TMEM86A: variants seen among roughly 807,000 people sequenced by gnomAD.
TMEM86A encodes lysoplasmalogenase TMEM86A.
Under a neutral mutation model 19.8 loss-of-function variants are expected in TMEM86A, and 13 were observed. The ratio of observed to expected loss-of-function variants is 0.66; its 90% confidence interval spans 0.43 to 1.04. The LOEUF (loss-of-function observed/expected upper bound fraction) is 1.04. Ranked by LOEUF, TMEM86A falls within the 50% of genes least tolerant of loss-of-function variation. The pLI is 0.00. For synonymous variants in TMEM86A, 128 were observed against 129.9 expected (o/e 0.99, Z 0.10); for missense variants, 248 against 306.8 (o/e 0.81, Z 1.43).
Position 18,701,218 on chromosome 11 carries a change from C to T in TMEM86A, c.286+21C>T, listed in dbSNP as rs765803609. On this transcript the variant is annotated intron_variant, in intron 2 of 2. Coordinates refer to ENST00000280734, the MANE Select transcript of TMEM86A (RefSeq NM_153347.3). The surrounding 1 kb of genome is among the most constrained non-coding windows in gnomAD (Gnocchi z 5.3). ...GCATGGTCAGTGGCCATAGTAGTTG[C>T]CTGGGAGGAGTCCTGGGGCTGGGGG... 4.4e-6 allele frequency: 7 copies of T among 1,608,458 alleles called. No homozygotes were observed. The African/African-American group carries it at 5.4e-5, about 12-fold the overall frequency.
At chr11:18,700,648 G>A (rs1848141073) in intron 1 of TMEM86A, 2 of 519,334 alleles carry the variant, frequency 3.9e-6, no homozygotes, top group Admixed American at 6.4e-5. Flanking sequence ...GGCTAAAGGG[G>A]CCCTGAGGAG....
At position 18,701,442 on chromosome 11, in the gene TMEM86A, G is replaced by A. The variant is rs1234797922; in HGVS notation, c.287-131G>A. ...TTTAACTTTAGATCTTCCTACCCCT[G>A]TTATCCCAAAGCAAAGCTGCTGGGT... On this transcript the variant is annotated intron_variant, in intron 2 of 2. Transcript: ENST00000280734. The surrounding 1 kb of genome is among the most constrained non-coding windows in gnomAD (Gnocchi z 5.3). The A allele has an allele frequency of 1.8e-6, 2 of 1,126,986 alleles. No individual in the cohort carries two copies. The highest frequency in any genetic ancestry group is 2.5e-6 in the Non-Finnish European group (2 of 798,164). 69.8% of individuals were successfully genotyped at this position (1,126,986 alleles called of 1,614,324 possible).
rs971659019 is a variant in TMEM86A, at chr11:18,701,137, GTCT to G, written c.230_232del (p.Phe77del). On this transcript the variant is annotated inframe_deletion, in exon 2 of 3. Transcript: ENST00000280734. The surrounding 1 kb of genome is among the most constrained non-coding windows in gnomAD (Gnocchi z 5.3). ...CGCCACCCGCATCTTTGTGGGGCTTGTCTTCTCTGCTGTAGGTGACGCCTTCCT... is the reference window on the plus strand; with the variant it reads ...CGCCACCCGCATCTTTGTGGGGCTTGTCTCTGCTGTAGGTGACGCCTTCCT... 1.2e-6 allele frequency: 2 copies of G among 1,613,884 alleles called. No homozygotes were observed. The highest frequency in any genetic ancestry group is 2.7e-5 in the African/African-American group (2 of 74,932).
At chr11:18,698,996 G>A (rs1848126535) in intron 1 of TMEM86A, 89 bp downstream of exon 1, 3 of 405,240 alleles carry the variant, frequency 7.4e-6, no homozygotes, top group South Asian at 1.5e-4. Context: ...GCTGCCGAAG[G>A]GGCCGAGGCG....
chr11:18,699,937 T>G lies in TMEM86A; in HGVS notation c.22-996T>G, dbSNP rs1564862941. 6.6e-6 allele frequency: 1 copy of G among 152,294 alleles called. No homozygotes were observed. The highest frequency in any genetic ancestry group is 2.4e-5 in the African/African-American group (1 of 41,432). 9.4% of individuals were successfully genotyped at this position (152,294 alleles called of 1,614,324 possible). A position where few individuals can be genotyped will look rare whatever the true frequency, so the allele number is the denominator to read the frequency against. The stretch of plus-strand genomic sequence containing the variant: ...TACAGGGAACTCCAGCTGCTCCATA[T>G]CACCCTCAATGGATCTGTTAGCAGC... On this transcript the variant is annotated intron_variant, in intron 1 of 2. Coordinates refer to ENST00000280734, the MANE Select transcript of TMEM86A (RefSeq NM_153347.3). This position sits in a 1 kb window ranked among gnomAD's most constrained non-coding sequence, Gnocchi z 4.0.
Position 18,701,995 on chromosome 11 carries a change from A to G in TMEM86A, c.709A>G (p.Thr237Ala), listed in dbSNP as rs956960574. The G allele has an allele frequency of 3.7e-6, 6 of 1,606,066 alleles. 1 individual carries two copies. In the Middle Eastern group the frequency reaches 5.0e-4, roughly 133 times the overall value. The change falls in exon 3 of 3, where the codon ACC becomes GCC. Residue 237 changes from threonine to alanine, a missense_variant. Coordinates refer to ENST00000280734, the MANE Select transcript of TMEM86A (RefSeq NM_153347.3). This position sits in a 1 kb window ranked among gnomAD's most constrained non-coding sequence, Gnocchi z 5.3. ...SREPVEHYRL[T>A]KAN ...GGAGCCTGTGGAACACTACAGACTGACCAAGGCCAACTGAGGTGCCAGGGT... is the reference window on the plus strand; with the variant it reads ...GGAGCCTGTGGAACACTACAGACTGGCCAAGGCCAACTGAGGTGCCAGGGT...
In TMEM86A at chr11:18,702,318, A is replaced by G; in HGVS notation, c.*309A>G. On this transcript the variant is annotated 3_prime_UTR_variant, in exon 3 of 3. Transcript: ENST00000280734. ...AGGTGATGGTGCTCAGCTTCTTGAC[A>G]CCCCCCCACCCACTTCCCCTACCAG... 2.6e-6 allele frequency: 1 copy of G among 380,776 alleles called. No individual in the cohort carries two copies. 23.6% of individuals were successfully genotyped at this position (380,776 alleles called of 1,614,324 possible). A position where few individuals can be genotyped will look rare whatever the true frequency, so the allele number is the denominator to read the frequency against.
In TMEM86A at chr11:18,704,610, TC is replaced by T. The variant is rs1848186967; in HGVS notation, c.*2603del. The stretch of plus-strand genomic sequence containing the variant: ...CAGGGAAATTCCAAACTGCTGGACT[TC>T]CTATGCAGGAAACCAGGAGCTGGAC... On this transcript the variant is annotated 3_prime_UTR_variant, in exon 3 of 3. Coordinates refer to ENST00000280734, the MANE Select transcript of TMEM86A (RefSeq NM_153347.3). 3 of 978,006 alleles carry T rather than the reference TC, an allele frequency of 3.1e-6. No homozygotes were observed. The East Asian group carries it at 7.8e-5, about 26-fold the overall frequency. 60.6% of individuals were successfully genotyped at this position (978,006 alleles called of 1,614,324 possible).
At position 18,701,212 on chromosome 11, in the gene TMEM86A, T is replaced by C. The variant is rs1848146439; in HGVS notation, c.286+15T>C. 2 of 1,610,566 alleles carry C rather than the reference T, an allele frequency of 1.2e-6. No homozygotes were observed. Among genetic ancestry groups the C allele is most frequent in the Admixed American group, 1.7e-5 (1 of 59,922 alleles). ...CTTCGTGCATGGTCAGTGGCCATAG[T>C]AGTTGCCTGGGAGGAGTCCTGGGGC... On this transcript the variant is annotated intron_variant, in intron 2 of 2. Transcript: ENST00000280734. This position sits in a 1 kb window ranked among gnomAD's most constrained non-coding sequence, Gnocchi z 5.3.
Position 18,701,552 on chromosome 11 carries a change from C to G in TMEM86A, c.287-21C>G, listed in dbSNP as rs1455526226. On this transcript the variant is annotated intron_variant, in intron 2 of 2. Coordinates refer to ENST00000280734, the MANE Select transcript of TMEM86A (RefSeq NM_153347.3). The surrounding 1 kb of genome is among the most constrained non-coding windows in gnomAD (Gnocchi z 5.3). ...CTTCATCAAGCTTGCCCTCAGCTGCCTTTGCCCCTCTTACCCCCAGGTCTG... is the reference window on the plus strand; with the variant it reads ...CTTCATCAAGCTTGCCCTCAGCTGCGTTTGCCCCTCTTACCCCCAGGTCTG... The G allele has an allele frequency of 1.3e-6, 2 of 1,534,420 alleles. No individual in the cohort carries two copies.
rs970475795 is a variant in TMEM86A at position 18,703,317 on chromosome 11, A to T, written c.*1308A>T. 2 of 152,362 alleles carry T rather than the reference A, an allele frequency of 1.3e-5. No homozygotes were observed. The highest frequency in any genetic ancestry group is 4.8e-5 in the African/African-American group (2 of 41,448). The allele number at this position is 152,362 out of a possible 1,614,324, so 9.4% of individuals were successfully genotyped here. A position where few individuals can be genotyped will look rare whatever the true frequency, so the allele number is the denominator to read the frequency against. ...CCTGGTGTGGGTGAGGATGTGGTTT[A>T]GGAGGATGGGGGATGAGTGGTATTT... On this transcript the variant is annotated 3_prime_UTR_variant, in exon 3 of 3. Transcript: ENST00000280734.
chr11:18,698,794 G>A lies in TMEM86A; in HGVS notation c.-93G>A, dbSNP rs925160342. The A allele has an allele frequency of 1.6e-6, 1 of 644,764 alleles. No individual in the cohort carries two copies. Among genetic ancestry groups the A allele is most frequent in the Non-Finnish European group, 2.8e-6 (1 of 359,340 alleles). The allele number at this position is 644,764 out of a possible 1,614,324, so 39.9% of individuals were successfully genotyped here. Reference sequence around the variant, plus strand: ...CTCGGGAGGTATTGTCCGTCCCTCCGGGCTTTGTAGAATCGTCGCCGGCTT... The same window carrying A: ...CTCGGGAGGTATTGTCCGTCCCTCCAGGCTTTGTAGAATCGTCGCCGGCTT... On this transcript the variant is annotated 5_prime_UTR_variant, in exon 1 of 3. Coordinates refer to ENST00000280734, the MANE Select transcript of TMEM86A (RefSeq NM_153347.3).
In TMEM86A at chr11:18,702,256, A is replaced by C; in HGVS notation, c.*247A>C. 1 of 544,884 alleles carries C rather than the reference A, an allele frequency of 1.8e-6. No homozygotes were observed. 33.8% of individuals were successfully genotyped at this position (544,884 alleles called of 1,614,324 possible). The stretch of plus-strand genomic sequence containing the variant: ...TGGAGCCAGAAGTAGACATCTCCCC[A>C]CCTCTACCCTATCAGGACTTTCAAA... On this transcript the variant is annotated 3_prime_UTR_variant, in exon 3 of 3. Coordinates refer to ENST00000280734, the MANE Select transcript of TMEM86A (RefSeq NM_153347.3).
At position 18,701,711 on chromosome 11, in the gene TMEM86A, C is replaced by T. The variant is rs1294334550; in HGVS notation, c.425C>T (p.Ala142Val). 1 of 1,614,130 alleles carries T rather than the reference C, an allele frequency of 6.2e-7. No individual in the cohort carries two copies. The highest frequency in any genetic ancestry group is 1.7e-5 in the Admixed American group (1 of 60,006). ...CTCCTCTACCCATGCCTCTCAGGTG[C>T]CTTCACCTACCTGGTGGGGGTCTAT... ...YALLYPCLSG[A>V]FTYLVGVYVA... The change falls in exon 3 of 3, where the codon GCC becomes GTC. Residue 142 changes from alanine to valine, a missense_variant. Transcript: ENST00000280734. The surrounding 1 kb of genome is among the most constrained non-coding windows in gnomAD (Gnocchi z 5.3).
rs1370266272 is a variant in TMEM86A, at chr11:18,703,729, A to G, written c.*1720A>G. 2.0e-5 allele frequency: 3 copies of G among 152,204 alleles called. No individual in the cohort carries two copies. Among genetic ancestry groups the G allele is most frequent in the Non-Finnish European group, 4.4e-5 (3 of 68,020 alleles). The allele number at this position is 152,204 out of a possible 1,614,324, so 9.4% of individuals were successfully genotyped here. A position where few individuals can be genotyped will look rare whatever the true frequency, so the allele number is the denominator to read the frequency against. On this transcript the variant is annotated 3_prime_UTR_variant, in exon 3 of 3. Transcript: ENST00000280734. ...GGTGTTGCTCATTTGTGGGGATGTG[A>G]TTTAGGAGACTCAAGTCTCAGGGGT... is the stretch of plus-strand genomic sequence containing the variant.
Position 18,701,922 on chromosome 11 carries a change from C to A in TMEM86A, c.636C>A (p.Thr212=). 1 of 1,613,986 alleles carries A rather than the reference C, an allele frequency of 6.2e-7. No homozygotes were observed. Among genetic ancestry groups the A allele is most frequent in the Non-Finnish European group, 8.5e-7 (1 of 1,180,038 alleles). ...VPYSRALIMS[T]YYVAQMLVAL... The stretch of plus-strand genomic sequence containing the variant: ...ACTCTCGGGCGCTTATCATGTCCAC[C>A]TACTATGTGGCCCAGATGCTCGTCG... The change falls in exon 3 of 3, where the codon ACC becomes ACA. Residue 212 remains threonine (T), a synonymous_variant. Transcript: ENST00000280734. This position sits in a 1 kb window ranked among gnomAD's most constrained non-coding sequence, Gnocchi z 5.3.
Position 18,701,037 on chromosome 11 carries a change from C to G in TMEM86A, c.126C>G (p.Ile42Met). ...GCCCATCGTGGGTCAGCACCCTCAT[C>G]AAGTGCCTGCCTATCTTCTGCCTCT... ...SSSPSWVSTL[I>M]KCLPIFCLWL... The change falls in exon 2 of 3, where the codon ATC (isoleucine) becomes ATG (methionine). Residue 42 changes from isoleucine (I) to methionine (M), a missense_variant. By Grantham distance (10) the Ile-to-Met change is conservative. Transcript: ENST00000280734. The surrounding 1 kb of genome is among the most constrained non-coding windows in gnomAD (Gnocchi z 5.3). 1 of 1,614,214 alleles carries G rather than the reference C, an allele frequency of 6.2e-7. No individual in the cohort carries two copies. The highest frequency in any genetic ancestry group is 8.5e-7 in the Non-Finnish European group (1 of 1,180,044).
intron 1 of TMEM86A, 37 bp downstream of exon 1, chr11:18,698,944 G>T: frequency 1.7e-6 from 1 of 584,752 alleles, no homozygotes. Context: ...GCCCGGCGCG[G>T]CTGGAGCCCA....
rs1238925099 is a variant in TMEM86A, at chr11:18,698,863, G to A, written c.-24G>A. The A allele has an allele frequency of 3.0e-6, 2 of 676,010 alleles. No individual in the cohort carries two copies. The allele number at this position is 676,010 out of a possible 1,614,324, so 41.9% of individuals were successfully genotyped here. On this transcript the variant is annotated 5_prime_UTR_variant, in exon 1 of 3. It adds an upstream start codon to the 5' untranslated region. Coordinates refer to ENST00000280734, the MANE Select transcript of TMEM86A (RefSeq NM_153347.3). ...CCTGGCCGCTGCAGCCCGGAGCAGG[G>A]TGCCAGCCGCCGCCGCCGCCGCCAT...
Sources: gnomAD v4.1 joint callset for allele counts on GRCh38, gnomAD v4.1.1 for gene constraint, Gnocchi (gnomAD v3.1) non-coding constraint, MANE v1.5 for transcripts, NCBI Gene and HGNC (gene_info 2026-07-23, HGNC 2026-07-21) for gene names.